The following EPS8L1 variants were observed in gnomAD, a reference collection of about 807,000 sequenced individuals.
EPS8L1 encodes the protein EPS8 signaling adaptor L1, also known as epidermal growth factor receptor kinase substrate 8-like protein 1.
EPS8L1 carries 101 observed loss-of-function variants against 91.7 expected under a neutral mutation model. The observed-to-expected ratio is 1.10, with a 90% CI of 0.94 to 1.30. EPS8L1 has a LOEUF of 1.30. EPS8L1 is among the 50% of genes most tolerant of loss of function. The pLI is 0.00. For missense variants in EPS8L1, 1,114 were observed against 1,017.0 expected, an observed-to-expected ratio of 1.10 and a Z score of -1.30; for synonymous variants, 506 against 445.3, an observed-to-expected ratio of 1.14 and a Z score of -1.72.
rs2076263019 is a variant in EPS8L1 at position 55,081,594 on chromosome 19, C to T, written c.774+102C>T. 2.8e-6 allele frequency: 4 copies of T among 1,409,202 alleles called. No individual in the cohort carries two copies. In the East Asian group the frequency reaches 7.6e-5, roughly 27 times the overall value. 87.3% of individuals were successfully genotyped at this position (1,409,202 alleles called of 1,614,324 possible). A position where few individuals can be genotyped will look rare whatever the true frequency, so the allele number is the denominator to read the frequency against. ...GGCTGCGGGACGGGCGTTCTCTGGTCAGACTTCTGCGTTATGGAAGAGGGG... is the reference window on the plus strand; with the variant it reads ...GGCTGCGGGACGGGCGTTCTCTGGTTAGACTTCTGCGTTATGGAAGAGGGG... On this transcript the variant is annotated intron_variant, in intron 8 of 19. Transcript: ENST00000201647. This position sits in a 1 kb window ranked among gnomAD's most constrained non-coding sequence, Gnocchi z 4.9.
intron 15 of EPS8L1, 37 bp downstream of exon 15, chr19:55,086,010 C>G (rs754460890): frequency 1.2e-6 from 2 of 1,602,304 alleles, no homozygotes; most frequent in South Asian, 2.2e-5. Context: ...AGGAATTAGC[C>G]AGCCCTAGCT....
In EPS8L1 at chr19:55,082,090, A is replaced by G; in HGVS notation, c.902-2A>G. The G allele has an allele frequency of 6.3e-7, 1 of 1,584,260 alleles. No individual in the cohort carries two copies. The highest frequency in any genetic ancestry group is 8.6e-7 in the Non-Finnish European group (1 of 1,165,890). On this transcript the variant is annotated splice_acceptor_variant, in intron 9 of 19. Coordinates refer to ENST00000201647, the MANE Select transcript of EPS8L1 (RefSeq NM_133180.3). LOFTEE classifies it high-confidence loss of function. ...ATCGCCGCGCCCGTCTGCTCCCCTC[A>G]GAGGGCTTGCTGACGCTGCGGGCCA... is the stretch of plus-strand genomic sequence containing the variant.
intron 2 of EPS8L1, among the ~76,000 whole-genome samples, chr19:55,077,103 G>C (rs372704193): frequency 5.3e-5 from 8 of 152,248 alleles, no homozygotes; most frequent in African/African-American, 1.4e-4. Flanking sequence ...CCACCTGATC[G>C]CTGAGCTTCT....
Position 55,086,701 on chromosome 19 carries a change from T to C in EPS8L1, c.1778-13T>C. The C allele has an allele frequency of 6.6e-7, 1 of 1,521,718 alleles. No homozygotes were observed. Among genetic ancestry groups the C allele is most frequent in the Non-Finnish European group, 8.9e-7 (1 of 1,124,264 alleles). 94.3% of individuals were successfully genotyped at this position (1,521,718 alleles called of 1,614,324 possible). On this transcript the variant is annotated splice_polypyrimidine_tract_variant and intron_variant, in intron 17 of 19. Coordinates refer to ENST00000201647, the MANE Select transcript of EPS8L1 (RefSeq NM_133180.3). ...GAGCCCGCACTCCCTACCTCCCGGT[T>C]TCCCGCCTGCAGAGAAATTCTCCCA... is the stretch of plus-strand genomic sequence containing the variant.
intron 14 of EPS8L1, among the ~76,000 whole-genome samples, chr19:55,085,111 C>T (rs2076341356): frequency 1.3e-5 from 2 of 152,146 alleles, no homozygotes; most frequent in African/African-American, 4.8e-5. Context: ...TCATAAAGAT[C>T]AAATTAACTA....
Position 55,080,126 on chromosome 19 carries a change from CAGG to C in EPS8L1, c.283_285del (p.Glu95del). ...CAGTTTACCCCGCCATCCCACCCGG[CAGG>C]AGGAGCTGGAGTCGTACCCACTGGG... On this transcript the variant is annotated splice_acceptor_variant and coding_sequence_variant, in exon 6 of 20. Transcript: ENST00000201647. LOFTEE classifies it high-confidence loss of function. The C allele has an allele frequency of 1.3e-6, 2 of 1,484,690 alleles. No individual in the cohort carries two copies. The highest frequency in any genetic ancestry group is 1.8e-6 in the Non-Finnish European group (2 of 1,112,370). 92.0% of individuals were successfully genotyped at this position (1,484,690 alleles called of 1,614,324 possible). A position where few individuals can be genotyped will look rare whatever the true frequency, so the allele number is the denominator to read the frequency against.
rs775299538 is a variant in EPS8L1 at position 55,087,661 on chromosome 19, C to T, written c.*47C>T. The T allele has an allele frequency of 6.3e-7, 1 of 1,588,764 alleles. No homozygotes were observed. The highest frequency in any genetic ancestry group is 1.3e-5 in the African/African-American group (1 of 74,466). ...AGAGTGACGAGGCCCCGTGGGAGAA[C>T]GGACTCCTCAGACTCTCCCCAATAG... On this transcript the variant is annotated 3_prime_UTR_variant, in exon 20 of 20. Coordinates refer to ENST00000201647, the MANE Select transcript of EPS8L1 (RefSeq NM_133180.3).
rs755143359 is a variant in EPS8L1 at position 55,087,645 on chromosome 19, A to G, written c.*31A>G. On this transcript the variant is annotated 3_prime_UTR_variant, in exon 20 of 20. Transcript: ENST00000201647. ...CAGGCGCCCTTCGCAAAGAGTGACG[A>G]GGCCCCGTGGGAGAACGGACTCCTC... 2 of 1,611,162 alleles carry G rather than the reference A, an allele frequency of 1.2e-6. No homozygotes were observed. Among genetic ancestry groups the G allele is most frequent in the East Asian group, 4.5e-5 (2 of 44,838 alleles).
At chr19:55,076,165 AGT>A (rs796943788) in intron 1 of EPS8L1, among the ~76,000 whole-genome samples, 9,888 of 40,732 alleles carry the variant, frequency 0.24, 715 homozygotes, top group Non-Finnish European at 0.26. Flanking sequence ...CTGAGGGAGG[AGT>A]GGACTGGGGT....
Position 55,087,099 on chromosome 19 carries a change from C to T in EPS8L1, c.1953-204C>T, listed in dbSNP as rs529176482. The stretch of plus-strand genomic sequence containing the variant: ...CCGACTGGATTCCTTAGGGAAATCC[C>T]GTACCCTTTGAAAGCAGGATGCGGC... On this transcript the variant is annotated intron_variant, in intron 18 of 19. Coordinates refer to ENST00000201647, the MANE Select transcript of EPS8L1 (RefSeq NM_133180.3). 3.8e-4 allele frequency: 408 copies of T among 1,071,396 alleles called. 2 individuals are homozygous for T. Among genetic ancestry groups the T allele is most frequent in the South Asian group, 7.0e-4 (42 of 59,706 alleles). 66.4% of individuals were successfully genotyped at this position (1,071,396 alleles called of 1,614,324 possible).
At position 55,079,862 on chromosome 19, in the gene EPS8L1, G is replaced by A. The variant is rs201391252; in HGVS notation, c.279+11G>A. 20 of 1,605,318 alleles carry A rather than the reference G, an allele frequency of 1.2e-5. No homozygotes were observed. The Admixed American group carries it at 1.5e-4, about 12-fold the overall frequency. On this transcript the variant is annotated intron_variant, in intron 5 of 19. Coordinates refer to ENST00000201647, the MANE Select transcript of EPS8L1 (RefSeq NM_133180.3). ...GACCCGGCCTCCAAGGTGCCGGGGG[G>A]CACGTGGGTGGGAGGAGTGTCTGGG...
rs1372895946 is a variant in EPS8L1 at position 55,079,741 on chromosome 19, G to A, written c.169G>A (p.Asp57Asn). The A allele has an allele frequency of 2.5e-6, 4 of 1,614,184 alleles. No individual in the cohort carries two copies. The highest frequency in any genetic ancestry group is 2.2e-5 in the East Asian group (1 of 44,878). The stretch of plus-strand genomic sequence containing the variant: ...GGACGATGGCGTGCATACCGTGGAG[G>A]ATGCCTCCAGGAAGTTGGCCGTCAT... ...GEDDGVHTVE[D>N]ASRKLAVMDS... The change falls in exon 5 of 20, where the codon GAT becomes AAT. Residue 57 changes from aspartate to asparagine, a missense_variant. By Grantham distance (23) the Asp-to-Asn change is conservative (BLOSUM62 1). Coordinates refer to ENST00000201647, the MANE Select transcript of EPS8L1 (RefSeq NM_133180.3).
chr19:55,085,900 G>A lies in EPS8L1; in HGVS notation c.1445G>A (p.Trp482Ter). The A allele has an allele frequency of 1.2e-6, 2 of 1,613,608 alleles. No individual in the cohort carries two copies. The highest frequency in any genetic ancestry group is 1.3e-5 in the African/African-American group (1 of 74,920). ...CTGGAGTCAGAGACAGCAGGAAAAT[G>A]GGTCCTGTGTAATTATGACTTCCAG... ...PQLESETAGKWVLCNYDFQAR... is the reference protein window; with the variant it reads ...PQLESETAGK The change falls in exon 15 of 20, where the codon TGG becomes TAG. Residue 482 changes from tryptophan to a stop codon, truncating the protein, a stop_gained. Transcript: ENST00000201647. LOFTEE classifies it high-confidence loss of function.
chr19:55,077,242 C>G (rs2076149311), intron 2 of EPS8L1, among the ~76,000 whole-genome samples: 1 of 152,122 alleles, frequency 6.6e-6, no homozygotes, highest in Non-Finnish European at 1.5e-5. Context: ...GGAGGGGAAG[C>G]AGATAATTCC....
chr19:55,079,595 G>A (rs1418570629), intron 4 of EPS8L1, 95 bp from the exon 5 acceptor site: 3 of 1,437,284 alleles, frequency 2.1e-6, no homozygotes, highest in Non-Finnish European at 2.8e-6. Flanking sequence ...AGGAGGTGTG[G>A]TTAGTCTCAG....
In EPS8L1 at chr19:55,087,385, G is replaced by A; in HGVS notation, c.2035G>A (p.Glu679Lys). The A allele has an allele frequency of 8.1e-6, 13 of 1,613,462 alleles. No individual in the cohort carries two copies. Among genetic ancestry groups the A allele is most frequent in the South Asian group, 1.1e-5 (1 of 91,046 alleles). The change falls in exon 19 of 20, where the codon GAG (glutamate) becomes AAG (lysine). Residue 679 changes from glutamate (E) to lysine (K), a missense_variant. By Grantham distance (56) the Glu-to-Lys change is moderately conservative. Coordinates refer to ENST00000201647, the MANE Select transcript of EPS8L1 (RefSeq NM_133180.3). ...KEELRAVSPE[E>K]GARVYSQVTV... is the part of the protein sequence containing the mutation. ...GGAGCTGCGGGCGGTGAGCCCCGAGGAGGGGGCACGTGTGTACAGCCAGGT... is the reference window on the plus strand; with the variant it reads ...GGAGCTGCGGGCGGTGAGCCCCGAGAAGGGGGCACGTGTGTACAGCCAGGT...
At chr19:55,079,078 C>G in intron 4 of EPS8L1, 21 bp downstream of exon 4, 1 of 1,613,218 alleles carries the variant, frequency 6.2e-7, no homozygotes, top group Non-Finnish European at 8.5e-7. Flanking sequence ...GGTCTGTGTT[C>G]CCCCAGGACA....
In EPS8L1 at chr19:55,087,856, G is replaced by C. The variant is rs894642069; in HGVS notation, c.*242G>C. The C allele has an allele frequency of 1.5e-5, 8 of 545,512 alleles. No homozygotes were observed. The highest frequency in any genetic ancestry group is 1.3e-4 in the African/African-American group (7 of 52,550). 33.8% of individuals were successfully genotyped at this position (545,512 alleles called of 1,614,324 possible). ...ACGGAAAGCGCTAGCAGACCCCCGA[G>C]AGGGTGCAGTGGAGCCCTGAGCATT... On this transcript the variant is annotated 3_prime_UTR_variant, in exon 20 of 20. Transcript: ENST00000201647.
Position 55,079,723 on chromosome 19 carries a change from G to T in EPS8L1, c.151G>T (p.Gly51Cys), listed in dbSNP as rs928860324. ...LVTFCLGEDD[G>C]VHTVEDASRK... Reference sequence around the variant, plus strand: ...GACGTTCTGCCTGGGTGAGGACGATGGCGTGCATACCGTGGAGGATGCCTC... The same window carrying T: ...GACGTTCTGCCTGGGTGAGGACGATTGCGTGCATACCGTGGAGGATGCCTC... The change falls in exon 5 of 20, where the codon GGC becomes TGC. Residue 51 changes from glycine to cysteine, a missense_variant. Physicochemically the swap from Gly to Cys is radical, Grantham distance 159. Transcript: ENST00000201647. The T allele has an allele frequency of 6.2e-7, 1 of 1,614,160 alleles. No homozygotes were observed. The highest frequency in any genetic ancestry group is 1.7e-5 in the Admixed American group (1 of 60,014).
Sources: gnomAD v4.1 joint callset for allele counts (sites outside exome capture counted in the v4.1 genomes callset) on GRCh38, gnomAD v4.1.1 for gene constraint, Gnocchi (gnomAD v3.1) non-coding constraint, MANE v1.5 for transcripts, NCBI Gene and HGNC (gene_info 2026-07-23, HGNC 2026-07-21) for gene names.